The following SCLT1 variants were observed in gnomAD, a reference collection of about 807,000 sequenced individuals.
The protein encoded by SCLT1 is sodium channel and clathrin linker 1.
In SCLT1, 78 loss-of-function variants were observed where a neutral mutation model predicts 112.8. The observed-to-expected ratio is 0.69, with a 90% CI of 0.58 to 0.83. The LOEUF (loss-of-function observed/expected upper bound fraction) is 0.83, where lower values mean the gene tolerates loss of function less well. SCLT1 is among the 40% of genes least tolerant of loss of function. The pLI is 0.00. For missense variants in SCLT1, 747 were observed against 770.4 expected (o/e 0.97, Z 0.36); for synonymous variants, 257 against 254.7 (o/e 1.01, Z -0.09).
chr4:128,892,723 ATTG>A (rs918368083), intron 18 of SCLT1, among the ~76,000 whole-genome samples: 1 of 152,220 alleles, frequency 6.6e-6, no homozygotes, highest in Admixed American at 6.5e-5. Context: ...GGCAAACATA[ATTG>A]TTGTCATCAC....
At chr4:128,977,196 A>T (rs1018840863) in intron 9 of SCLT1, among the ~76,000 whole-genome samples, 2 of 152,194 alleles carry the variant, frequency 1.3e-5, no homozygotes, top group African/African-American at 4.8e-5. Context: ...TCATTCTTTG[A>T]ACAAATATTT....
At chr4:129,069,883 T>G (rs1163672689) in intron 2 of SCLT1, among the ~76,000 whole-genome samples, 1 of 152,194 alleles carries the variant, frequency 6.6e-6, no homozygotes, top group Non-Finnish European at 1.5e-5. Flanking sequence ...ATTAGTTGGC[T>G]GTGGGTTTGT....
chr4:128,973,373 T>C (rs933110431), intron 9 of SCLT1, among the ~76,000 whole-genome samples: 1 of 141,332 alleles, frequency 7.1e-6, no homozygotes, highest in Non-Finnish European at 1.5e-5. Context: ...ACCTGGGGCA[T>C]AGGAGACAAG....
chr4:128,888,611 C>T, intron 20 of SCLT1, 68 bp downstream of exon 20: 1 of 811,094 alleles, frequency 1.2e-6, no homozygotes, highest in Non-Finnish European at 2.0e-6. Flanking sequence ...CTATTAAGTT[C>T]CCTGGGAACT....
chr4:129,023,997 G>A (rs1182307802), intron 5 of SCLT1, among the ~76,000 whole-genome samples: 11 of 152,220 alleles, frequency 7.2e-5, no homozygotes, highest in East Asian at 1.9e-4. Flanking sequence ...AGGGGCGCCC[G>A]CCATTGCCCA....
intron 9 of SCLT1, among the ~76,000 whole-genome samples, chr4:128,980,989 A>G (rs1006891302): frequency 1.3e-5 from 2 of 152,214 alleles, no homozygotes; most frequent in African/African-American, 4.8e-5. Flanking sequence ...GTGTAATTTA[A>G]TTATTTAATT....
intron 18 of SCLT1, among the ~76,000 whole-genome samples, chr4:128,898,215 T>C (rs1223887431): frequency 1.3e-5 from 2 of 152,194 alleles, no homozygotes; most frequent in Non-Finnish European, 2.9e-5. Flanking sequence ...ATCAACAGAA[T>C]ATACATTCTT....
chr4:128,965,112 A>G (rs1338291324), intron 11 of SCLT1, 115 bp downstream of exon 11: 3 of 596,928 alleles, frequency 5.0e-6, no homozygotes, highest in East Asian at 2.9e-5. Flanking sequence ...CTATGATTAT[A>G]GTTTTGATTT....
chr4:129,083,217 A>G (rs1280294569), intron 1 of SCLT1, among the ~76,000 whole-genome samples: 1 of 151,198 alleles, frequency 6.6e-6, no homozygotes, highest in Non-Finnish European at 1.5e-5. Context: ...TAAGAAGAAA[A>G]GAAAAAGAAA....
chr4:129,002,066 T>C (rs1395254896), intron 6 of SCLT1, among the ~76,000 whole-genome samples: 1 of 152,032 alleles, frequency 6.6e-6, no homozygotes, highest in Non-Finnish European at 1.5e-5. Context: ...CTTTCTGACT[T>C]ACCTAAAATA....
intron 2 of SCLT1, among the ~76,000 whole-genome samples, chr4:129,052,545 T>G (rs1748905491): frequency 6.6e-6 from 1 of 151,982 alleles, no homozygotes; most frequent in Non-Finnish European, 1.5e-5. Context: ...CTCATGGTAG[T>G]TTTTGGTTTC....
At chr4:128,964,927 T>C (rs567632437) in intron 11 of SCLT1, among the ~76,000 whole-genome samples, 3 of 152,296 alleles carry the variant, frequency 2.0e-5, no homozygotes, top group Non-Finnish European at 4.4e-5. Flanking sequence ...ATTTGTTTCC[T>C]AAAAAGTACT....
At chr4:128,978,673 G>A (rs187354076) in intron 9 of SCLT1, among the ~76,000 whole-genome samples, 1 of 152,148 alleles carries the variant, frequency 6.6e-6, no homozygotes, top group African/African-American at 2.4e-5. Context: ...ATTCCAAAGA[G>A]TGACTATAAT....
At chr4:129,027,639 C>T (rs1342337043) in intron 5 of SCLT1, among the ~76,000 whole-genome samples, 2 of 152,048 alleles carry the variant, frequency 1.3e-5, no homozygotes, top group Non-Finnish European at 2.9e-5. Flanking sequence ...TCCTCTCTCA[C>T]CACTCCTATT....
intron 9 of SCLT1, among the ~76,000 whole-genome samples, chr4:128,985,118 T>C (rs889605617): frequency 6.6e-6 from 1 of 152,154 alleles, no homozygotes; most frequent in East Asian, 1.9e-4. Context: ...ATTCCCTTAG[T>C]GACAAATACC....
intron 18 of SCLT1, among the ~76,000 whole-genome samples, chr4:128,930,993 A>T (rs915730327): frequency 6.6e-6 from 1 of 152,170 alleles, no homozygotes; most frequent in Non-Finnish European, 1.5e-5. Flanking sequence ...AATTATTCAA[A>T]CATCTGGATA....
intron 5 of SCLT1, among the ~76,000 whole-genome samples, chr4:129,018,932 T>G (rs1171538676): frequency 6.6e-6 from 1 of 152,112 alleles, no homozygotes; most frequent in African/African-American, 2.4e-5. Context: ...CATTTCTGAT[T>G]AAATTTTTTA....
At chr4:128,933,460 A>T (rs2125978621) in intron 18 of SCLT1, among the ~76,000 whole-genome samples, 1 of 152,224 alleles carries the variant, frequency 6.6e-6, no homozygotes, top group East Asian at 1.9e-4. Context: ...AGCTAACTTA[A>T]GTTGGTCCAT....
chr4:129,059,350 C>A (rs1451766760), intron 2 of SCLT1, among the ~76,000 whole-genome samples: 1 of 152,046 alleles, frequency 6.6e-6, no homozygotes, highest in Non-Finnish European at 1.5e-5. Flanking sequence ...TTTGTATATC[C>A]TTTTGCTCCT....
Sources: gnomAD v4.1 joint callset for allele counts (sites outside exome capture counted in the v4.1 genomes callset) on GRCh38, gnomAD v4.1.1 for gene constraint, MANE v1.5 for transcripts, NCBI Gene and HGNC (gene_info 2026-07-23, HGNC 2026-07-21) for gene names.